The following ALDH2 variants were observed in gnomAD, a reference collection of about 807,000 sequenced individuals.
ALDH2 encodes aldehyde dehydrogenase, mitochondrial.
A neutral mutation model predicts 59.6 loss-of-function variants in ALDH2; 44 were observed. That is an observed-to-expected ratio of 0.74 (90% CI 0.58 to 0.95). ALDH2 has a LOEUF of 0.95. Among genes scored for constraint, ALDH2 ranks in the 40% least tolerant of loss-of-function variants. The pLI is 0.00. For missense variants in ALDH2, 570 were observed against 696.3 expected (o/e 0.82, Z 2.04); for synonymous variants, 291 against 284.0 (o/e 1.02, Z -0.25).
chr12:111,792,243 C>A (rs1480830527), intron 8 of ALDH2, 80 bp downstream of exon 8: 1 of 1,086,078 alleles, frequency 9.2e-7, no homozygotes, highest in Non-Finnish European at 1.4e-6. Flanking sequence ...ATCCTGTCGC[C>A]CCCCCAGTGC....
intron 8 of ALDH2, among the ~76,000 whole-genome samples, 171 bp downstream of exon 8, chr12:111,792,334 C>T (rs916911411): frequency 6.6e-6 from 1 of 152,248 alleles, no homozygotes; most frequent in Admixed American, 6.5e-5. Flanking sequence ...TTGGCCTGTC[C>T]CCAGCCTCTC....
intron 11 of ALDH2, among the ~76,000 whole-genome samples, chr12:111,800,706 C>T (rs898145648): frequency 4.6e-5 from 7 of 152,106 alleles, no homozygotes; most frequent in Non-Finnish European, 7.4e-5. Context: ...CGGAACCCTC[C>T]TATGTTGCTG....
intron 4 of ALDH2, among the ~76,000 whole-genome samples, chr12:111,786,534 C>T (rs1373056203): frequency 1.3e-5 from 2 of 148,682 alleles, no homozygotes; most frequent in Admixed American, 6.8e-5. Flanking sequence ...CCACGCCTGG[C>T]GATTGATTGA....
chr12:111,796,637 T>A (rs1336977552), intron 9 of ALDH2, among the ~76,000 whole-genome samples: 2 of 152,140 alleles, frequency 1.3e-5, no homozygotes, highest in African/African-American at 4.8e-5. Context: ...GTGTGGTGGC[T>A]AACCCCTGTA....
intron 9 of ALDH2, among the ~76,000 whole-genome samples, chr12:111,793,588 T>C (rs1254780391): frequency 2.0e-5 from 3 of 151,902 alleles, no homozygotes; most frequent in Non-Finnish European, 4.4e-5. Context: ...TATTCGGGTT[T>C]TTTTTTTTAA....
intron 12 of ALDH2, among the ~76,000 whole-genome samples, chr12:111,805,277 G>A (rs902374137): frequency 1.3e-5 from 2 of 151,932 alleles, no homozygotes; most frequent in African/African-American, 2.4e-5. Flanking sequence ...CCAGCTACTC[G>A]GGAGGCCAAG....
Position 111,782,189 on chromosome 12 carries a change from G to A in ALDH2, c.219+167G>A, listed in dbSNP as rs374379312. On this transcript the variant is annotated intron_variant, in intron 2 of 12. Transcript: ENST00000261733. ...AATAGAAACTTGTCTGCAGACAACG[G>A]TGTTAATTCACTTAGTGTAGAACTA... Among the ~76,000 whole-genome samples, 13 of 152,332 alleles carry A rather than the reference G, an allele frequency of 8.5e-5. 2 individuals carry two copies. The highest frequency in any genetic ancestry group is 5.8e-4 in the East Asian group (3 of 5,184).
At position 111,767,078 on chromosome 12, in the gene ALDH2, C is replaced by A; in HGVS notation, c.96C>A (p.Pro32=). 1 of 1,519,524 alleles carries A rather than the reference C, an allele frequency of 6.6e-7. No homozygotes were observed. The highest frequency in any genetic ancestry group is 8.8e-7 in the Non-Finnish European group (1 of 1,139,936). 94.1% of individuals were successfully genotyped at this position (1,519,524 alleles called of 1,614,324 possible). A position where few individuals can be genotyped will look rare whatever the true frequency, so the allele number is the denominator to read the frequency against. ...TQAVPAPNQQ[P]EVFCNQIFIN... ...CCGTGCCTGCCCCCAACCAGCAGCC[C>A]GAGGTCTTCTGCAACCAGGTGAGCC... The change falls in exon 1 of 13, where the codon CCC becomes CCA. Residue 32 remains proline, a synonymous_variant. Transcript: ENST00000261733.
intron 3 of ALDH2, among the ~76,000 whole-genome samples, chr12:111,784,888 T>C: frequency 6.6e-6 from 1 of 152,196 alleles, no homozygotes; most frequent in African/African-American, 2.4e-5. Context: ...AGTCACTACA[T>C]CCGGCCTCTA....
intron 1 of ALDH2, among the ~76,000 whole-genome samples, chr12:111,769,267 A>G (rs764509290): frequency 2.6e-5 from 4 of 152,132 alleles, no homozygotes; most frequent in Non-Finnish European, 4.4e-5. Flanking sequence ...AACTCTCTGG[A>G]CATGGTCAGT....
Position 111,800,224 on chromosome 12 carries a change from C to T in ALDH2, c.1406+161C>T, listed in dbSNP as rs550693989. 6.6e-5 allele frequency among the ~76,000 whole-genome samples: 10 copies of T among 152,202 alleles called. No homozygotes were observed. The South Asian group carries it at 8.3e-4, about 13-fold the overall frequency. ...TTGAGAGGTCCTGCTACCTCACCTC[C>T]GAAGGATCAAGCTTCTCTGTGGTGC... On this transcript the variant is annotated intron_variant, in intron 11 of 12. Transcript: ENST00000261733.
In ALDH2 at chr12:111,789,920, G is replaced by A. The variant is rs764594848; in HGVS notation, c.538G>A (p.Gly180Arg). 2.5e-6 allele frequency: 4 copies of A among 1,613,962 alleles called. No homozygotes were observed. Among genetic ancestry groups the A allele is most frequent in the Admixed American group, 1.7e-5 (1 of 59,994 alleles). The change falls in exon 5 of 13, where the codon GGG (glycine) becomes AGG (arginine). Residue 180 changes from glycine to arginine, a missense_variant. Gly to Arg is a moderately radical substitution (Grantham distance 125). Transcript: ENST00000261733. The stretch of plus-strand genomic sequence containing the variant: ...ACGCCATGAACCTGTGGGGGTGTGC[G>A]GGCAGATCATTCCGGTGAGTCCAGC... The part of the protein sequence containing the change: ...YTRHEPVGVC[G>R]QIIPWNFPLL...
chr12:111,785,302 C>T lies in ALDH2; in HGVS notation c.396C>T (p.Val132=). 7 of 1,614,164 alleles carry T rather than the reference C, an allele frequency of 4.3e-6. No homozygotes were observed. Among genetic ancestry groups the T allele is most frequent in the Non-Finnish European group, 5.9e-6 (7 of 1,179,996 alleles). Residue 132 remains valine (V), a synonymous_variant, in exon 4 of 13, where the codon GTC becomes GTT. Coordinates refer to ENST00000261733, the MANE Select transcript of ALDH2 (RefSeq NM_000690.4). ...CCCTGGACAATGGCAAGCCCTATGT[C>T]ATCTCCTACCTGGTGGATTTGGACA... ...LETLDNGKPY[V]ISYLVDLDMV...
At chr12:111,789,499 A>G (rs1020595292) in intron 4 of ALDH2, among the ~76,000 whole-genome samples, 6 of 151,934 alleles carry the variant, frequency 3.9e-5, no homozygotes, top group African/African-American at 1.4e-4. Flanking sequence ...CTCAAAAAAA[A>G]AAAAAGAAAA....
At chr12:111,780,622 C>T (rs931970762) in intron 1 of ALDH2, among the ~76,000 whole-genome samples, 2 of 152,186 alleles carry the variant, frequency 1.3e-5, no homozygotes, top group African/African-American at 4.8e-5. Flanking sequence ...CTCTACCCCC[C>T]ACCTTAGTCA....
Position 111,792,779 on chromosome 12 carries a change from G to T in ALDH2, c.1080G>T (p.Pro360=). 6.5e-7 allele frequency: 1 copy of T among 1,548,834 alleles called. No homozygotes were observed. Among genetic ancestry groups the T allele is most frequent in the Non-Finnish European group, 8.7e-7 (1 of 1,147,422 alleles). The change falls in exon 9 of 13, where the codon CCG becomes CCT. Residue 360 remains proline, a synonymous_variant. Coordinates refer to ENST00000261733, the MANE Select transcript of ALDH2 (RefSeq NM_000690.4). The part of the protein sequence containing the change: ...NPFDSKTEQG[P]QVDETQFKKI... Reference sequence around the variant, plus strand: ...TTGATAGCAAGACCGAGCAGGGGCCGCAGGTGAGCCAGGCAGTGCCGCAGG... The same window carrying T: ...TTGATAGCAAGACCGAGCAGGGGCCTCAGGTGAGCCAGGCAGTGCCGCAGG...
At position 111,785,285 on chromosome 12, in the gene ALDH2, A is replaced by G. The variant is rs367911769; in HGVS notation, c.379A>G (p.Asn127Asp). ...TYLAALETLD[N>D]GKPYVISYLV... Reference sequence around the variant, plus strand: ...TTCTCAGGCCTTGGAGACCCTGGACAATGGCAAGCCCTATGTCATCTCCTA... The same window carrying G: ...TTCTCAGGCCTTGGAGACCCTGGACGATGGCAAGCCCTATGTCATCTCCTA... Residue 127 changes from asparagine to aspartate, a missense_variant, in exon 4 of 13, where the codon AAT becomes GAT. Physicochemically the swap from Asn to Asp is conservative, Grantham distance 23. Transcript: ENST00000261733. The G allele has an allele frequency of 2.4e-5, 38 of 1,614,084 alleles. No homozygotes were observed. The highest frequency in any genetic ancestry group is 3.1e-5 in the Non-Finnish European group (37 of 1,179,970).
rs1250576835 is a variant in ALDH2 at position 111,813,830 on chromosome 12, A to C, written c.*4255A>C. The C allele has an allele frequency of 6.6e-6, 1 of 152,222 alleles. No homozygotes were observed. The highest frequency in any genetic ancestry group is 1.5e-5 in the Non-Finnish European group (1 of 68,062). The allele number at this position is 152,222 out of a possible 1,614,324, so 9.4% of individuals were successfully genotyped here. Reference sequence around the variant, plus strand: ...AGGGACCAAGGGGGAGTGACTTCTAATGGTGGGGTGCCCTTTTGGGGTGAT... The same window carrying C: ...AGGGACCAAGGGGGAGTGACTTCTACTGGTGGGGTGCCCTTTTGGGGTGAT... On this transcript the variant is annotated 3_prime_UTR_variant, in exon 13 of 13. Transcript: ENST00000261733.
chr12:111,769,915 G>A (rs1356809383), intron 1 of ALDH2, among the ~76,000 whole-genome samples: 2 of 152,092 alleles, frequency 1.3e-5, no homozygotes, highest in Middle Eastern at 6.3e-3. Context: ...CAAGACTGAA[G>A]CAGGCGGATC....
Sources: allele counts gnomAD v4.1 joint callset (sites outside exome capture counted in the v4.1 genomes callset), GRCh38; gene constraint gnomAD v4.1.1; transcripts MANE v1.5; gene names NCBI Gene and HGNC (gene_info 2026-07-23, HGNC 2026-07-21).